The following ISL1 variants were observed in gnomAD, a reference collection of about 807,000 sequenced individuals.
ISL1 encodes the protein ISL LIM homeobox 1.
In ISL1, 4 loss-of-function variants were observed where a neutral mutation model predicts 35.3. The observed-to-expected ratio is 0.11, with a 90% CI of 0.06 to 0.26. ISL1 has a LOEUF of 0.26. ISL1 is among the 10% of genes least tolerant of loss of function. The pLI is 1.00. For synonymous variants in ISL1, 186 were observed against 172.3 expected (o/e 1.08, Z -0.62); for missense variants, 340 against 472.8 (o/e 0.72, Z 2.60).
rs754818700 is a variant in ISL1 at position 51,384,632 on chromosome 5, G to A, written c.120G>A (p.Ala40=). The A allele has an allele frequency of 1.9e-6, 3 of 1,614,070 alleles. No individual in the cohort carries two copies. Among genetic ancestry groups the A allele is most frequent in the East Asian group, 2.2e-5 (1 of 44,850 alleles). ...LRVSPDLEWH[A]ACLKCAECNQ... is the part of the protein sequence containing the mutation. ...TTTCTCCGGATTTGGAATGGCATGCGGCATGTTTGAAATGTGCGGAGTGTA... is the reference window on the plus strand; with the variant it reads ...TTTCTCCGGATTTGGAATGGCATGCAGCATGTTTGAAATGTGCGGAGTGTA... Residue 40 remains alanine (A), a synonymous_variant, in exon 2 of 6, where the codon GCG becomes GCA. Coordinates refer to ENST00000230658, the MANE Select transcript of ISL1 (RefSeq NM_002202.3).
rs779567884 is a variant in ISL1 at position 51,387,703 on chromosome 5, C to T, written c.432C>T (p.Gly144=). The change falls in exon 3 of 6, where the codon GGC becomes GGT. Residue 144 remains glycine, a synonymous_variant. Transcript: ENST00000230658. The surrounding 1 kb of genome is among the most constrained non-coding windows in gnomAD (Gnocchi z 4.3). ...TGGAGAGGGCCAGTCTAGGCGCTGG[C>T]GACCCGCTCAGTCCCCTGCATCCAG... The part of the protein sequence containing the change: ...DVVERASLGA[G]DPLSPLHPAR... The T allele has an allele frequency of 6.2e-7, 1 of 1,614,196 alleles. No homozygotes were observed. Among genetic ancestry groups the T allele is most frequent in the South Asian group, 1.1e-5 (1 of 91,082 alleles).
intron 5 of ISL1, among the ~76,000 whole-genome samples, chr5:51,392,011 T>A (rs578157958): frequency 1.3e-5 from 2 of 152,336 alleles, no homozygotes; most frequent in South Asian, 4.1e-4. Flanking sequence ...GAATACTTTT[T>A]GTTACAGTAT....
At position 51,386,480 on chromosome 5, in the gene ISL1, A is replaced by C. The variant is rs187728145; in HGVS notation, c.219-1010A>C. On this transcript the variant is annotated intron_variant, in intron 2 of 5. Coordinates refer to ENST00000230658, the MANE Select transcript of ISL1 (RefSeq NM_002202.3). ...TTTCCACATCTCTCCTTGGAGAAGC[A>C]GGATGCCTCCTCCTGTTATGTGGAT... is the stretch of plus-strand genomic sequence containing the variant. 740 of 431,810 alleles carry C rather than the reference A, an allele frequency of 1.7e-3. 4 individuals carry two copies. The highest frequency in any genetic ancestry group is 2.3e-3 in the Non-Finnish European group (494 of 218,322). The allele number at this position is 431,810 out of a possible 1,614,324, so 26.7% of individuals were successfully genotyped here. A position where few individuals can be genotyped will look rare whatever the true frequency, so the allele number is the denominator to read the frequency against.
At position 51,393,626 on chromosome 5, in the gene ISL1, T is replaced by C. The variant is rs1747568990; in HGVS notation, c.*16T>C. The C allele has an allele frequency of 1.3e-6, 2 of 1,493,154 alleles. No individual in the cohort carries two copies. Among genetic ancestry groups the C allele is most frequent in the African/African-American group, 2.8e-5 (2 of 72,428 alleles). 92.5% of individuals were successfully genotyped at this position (1,493,154 alleles called of 1,614,324 possible). A position where few individuals can be genotyped will look rare whatever the true frequency, so the allele number is the denominator to read the frequency against. On this transcript the variant is annotated 3_prime_UTR_variant, in exon 6 of 6. Transcript: ENST00000230658. The stretch of plus-strand genomic sequence containing the variant: ...TGAGGCATGAGGAACATTCATTCTG[T>C]ATTTTTTTTCCCTGTTGGAGAAAGT...
chr5:51,387,848 G>T lies in ISL1; in HGVS notation c.478+99G>T, dbSNP rs964533679. The T allele has an allele frequency of 2.5e-5, 37 of 1,480,276 alleles. 1 individual carries two copies. Among genetic ancestry groups the T allele is most frequent in the Admixed American group, 5.6e-5 (3 of 53,378 alleles). The allele number at this position is 1,480,276 out of a possible 1,614,324, so 91.7% of individuals were successfully genotyped here. ...TGGTAGCTACAGGGGTGGTCGTAGT[G>T]TTTGCCTGCAGTTAAATGAAGTGTT... On this transcript the variant is annotated intron_variant, in intron 3 of 5. Coordinates refer to ENST00000230658, the MANE Select transcript of ISL1 (RefSeq NM_002202.3). This position sits in a 1 kb window ranked among gnomAD's most constrained non-coding sequence, Gnocchi z 4.3.
At position 51,387,994 on chromosome 5, in the gene ISL1, T is replaced by G. The variant is rs1234352647; in HGVS notation, c.478+245T>G. ...GTGTCTCTATATGGTTACACATAAA[T>G]GTACACCACTTGTGTACACGTGTAT... On this transcript the variant is annotated intron_variant, in intron 3 of 5. Coordinates refer to ENST00000230658, the MANE Select transcript of ISL1 (RefSeq NM_002202.3). This position sits in a 1 kb window ranked among gnomAD's most constrained non-coding sequence, Gnocchi z 4.3. 6.6e-6 allele frequency among the ~76,000 whole-genome samples: 1 copy of G among 152,266 alleles called. No homozygotes were observed. The highest frequency in any genetic ancestry group is 1.5e-5 in the Non-Finnish European group (1 of 68,050).
rs928978014 is a variant in ISL1, at chr5:51,393,968, T to C, written c.*358T>C. On this transcript the variant is annotated 3_prime_UTR_variant, in exon 6 of 6. Transcript: ENST00000230658. ...CTGCACATCTAGAGAAAAACAAAAA[T>C]AGAAAATTTTCTAGTCCATCCTAAT... The C allele has an allele frequency of 1.3e-5, 4 of 308,582 alleles. No homozygotes were observed. Among genetic ancestry groups the C allele is most frequent in the East Asian group, 1.7e-4 (2 of 11,726 alleles). 19.1% of individuals were successfully genotyped at this position (308,582 alleles called of 1,614,324 possible). A position where few individuals can be genotyped will look rare whatever the true frequency, so the allele number is the denominator to read the frequency against.
chr5:51,385,058 G>A (rs1460773948), intron 2 of ISL1, among the ~76,000 whole-genome samples: 1 of 152,208 alleles, frequency 6.6e-6, no homozygotes, highest in Non-Finnish European at 1.5e-5. Flanking sequence ...AGATGGAGAA[G>A]TTTGGATTTT....
At chr5:51,390,356 A>G (rs1384354534) in intron 4 of ISL1, among the ~76,000 whole-genome samples, 1 of 152,160 alleles carries the variant, frequency 6.6e-6, no homozygotes, top group African/African-American at 2.4e-5. Flanking sequence ...ATTCCTGCCT[A>G]CATCCAGGGG....
At chr5:51,390,650 T>TTC (rs1561208333) in intron 4 of ISL1, among the ~76,000 whole-genome samples, 2 of 103,892 alleles carry the variant, frequency 1.9e-5, no homozygotes, top group African/African-American at 6.8e-5. Flanking sequence ...TTCTTTTTTT[T>TTC]TTTTTTTTTT....
chr5:51,390,647 T>TTTTTTTC, intron 4 of ISL1, among the ~76,000 whole-genome samples: 2 of 42,310 alleles, frequency 4.7e-5, no homozygotes, highest in Non-Finnish European at 5.2e-5. Flanking sequence ...TTTTTCTTTT[T>TTTTTTTC]TTTTTTTTTT....
intron 5 of ISL1, among the ~76,000 whole-genome samples, chr5:51,392,967 G>A (rs991217): frequency 0.41 from 62,771 of 151,950 alleles, 13,684 homozygotes; most frequent in African/African-American, 0.54. Flanking sequence ...GAAAGGCCAA[G>A]AGGCAGCAGG....
At position 51,391,354 on chromosome 5, in the gene ISL1, G is replaced by A. The variant is rs1311016190; in HGVS notation, c.846G>A (p.Val282=). The part of the protein sequence containing the change: ...RHDGGLQANP[V]EVQSYQPPWK... The stretch of plus-strand genomic sequence containing the variant: ...ACGGTGGCTTACAGGCTAACCCAGT[G>A]GAAGTACAAAGTTACCAGCCACCTT... The change falls in exon 5 of 6, where the codon GTG becomes GTA. Residue 282 remains valine, a synonymous_variant. Coordinates refer to ENST00000230658, the MANE Select transcript of ISL1 (RefSeq NM_002202.3). 12 of 1,614,028 alleles carry A rather than the reference G, an allele frequency of 7.4e-6. No individual in the cohort carries two copies. Among genetic ancestry groups the A allele is most frequent in the South Asian group, 1.1e-5 (1 of 91,086 alleles).
intron 2 of ISL1, chr5:51,386,612 A>T (rs1486254536): frequency 2.2e-6 from 1 of 456,160 alleles, no homozygotes; most frequent in Non-Finnish European, 4.4e-6. Context: ...TGGAACCTAT[A>T]AAGATTGTCC....
Position 51,387,712 on chromosome 5 carries a change from C to T in ISL1, c.441C>T (p.Leu147=). Residue 147 remains leucine, a synonymous_variant, in exon 3 of 6, where the codon CTC becomes CTT. Coordinates refer to ENST00000230658, the MANE Select transcript of ISL1 (RefSeq NM_002202.3). This position sits in a 1 kb window ranked among gnomAD's most constrained non-coding sequence, Gnocchi z 4.3. ...ERASLGAGDP[L]SPLHPARPLQ... ...CCAGTCTAGGCGCTGGCGACCCGCT[C>T]AGTCCCCTGCATCCAGCGCGGCCAC... The T allele has an allele frequency of 1.2e-6, 2 of 1,614,212 alleles. No homozygotes were observed. The highest frequency in any genetic ancestry group is 8.5e-7 in the Non-Finnish European group (1 of 1,180,046).
At chr5:51,393,273 T>G (rs1747560095) in intron 5 of ISL1, among the ~76,000 whole-genome samples, 1 of 152,214 alleles carries the variant, frequency 6.6e-6, no homozygotes, top group African/African-American at 2.4e-5. Flanking sequence ...TCAGTTTCAG[T>G]TAAAACAGAG....
chr5:51,392,415 GTTAGCTTT>G (rs1339770256), intron 5 of ISL1, among the ~76,000 whole-genome samples: 3 of 152,070 alleles, frequency 2.0e-5, no homozygotes, highest in African/African-American at 7.2e-5. Context: ...TTTAGTTGAG[GTTAGCTTT>G]TTACCCTCAT....
intron 2 of ISL1, among the ~76,000 whole-genome samples, chr5:51,385,378 T>C (rs1265986776): frequency 6.6e-6 from 1 of 152,202 alleles, no homozygotes; most frequent in Non-Finnish European, 1.5e-5. Context: ...TCTTCTTTCT[T>C]ATCTTATCTG....
chr5:51,386,423 G>T, intron 2 of ISL1: 2 of 362,668 alleles, frequency 5.5e-6, no homozygotes, highest in Non-Finnish European at 5.4e-6. Flanking sequence ...TAATCTTGTA[G>T]TTGTAAAAGC....
Sources: allele counts gnomAD v4.1 joint callset (sites outside exome capture counted in the v4.1 genomes callset), GRCh38; gene constraint gnomAD v4.1.1; non-coding constraint Gnocchi (gnomAD v3.1); transcripts MANE v1.5; gene names NCBI Gene and HGNC (gene_info 2026-07-23, HGNC 2026-07-21).